CSMD2: variants seen among roughly 807,000 people sequenced by gnomAD.
The protein encoded by CSMD2 is CUB and Sushi multiple domains 2, also known as CUB and sushi domain-containing protein 2.
Under a neutral mutation model 398.5 loss-of-function variants are expected in CSMD2, and 130 were observed. The ratio of observed to expected loss-of-function variants is 0.33; its 90% CI spans 0.28 to 0.38. The LOEUF is 0.38. Ranked by LOEUF, CSMD2 falls within the 10% of genes least tolerant of loss-of-function variation. CSMD2 has a pLI of 1.00. For missense variants in CSMD2, 3,829 were observed against 4,764.9 expected, an observed-to-expected ratio of 0.80 and a Z score of 5.78; for synonymous variants, 1,828 against 1,908.5, an observed-to-expected ratio of 0.96 and a Z score of 1.10.
intron 10 of CSMD2, among the ~76,000 whole-genome samples, chr1:33,809,319 T>A (rs1656590372): frequency 6.6e-6 from 1 of 151,892 alleles, no homozygotes; most frequent in Non-Finnish European, 1.5e-5. Context: ...TACTAAATGA[T>A]CAAGTTATGT....
At chr1:33,973,231 C>A (rs996884802) in intron 3 of CSMD2, among the ~76,000 whole-genome samples, 2 of 152,206 alleles carry the variant, frequency 1.3e-5, no homozygotes, top group Non-Finnish European at 2.9e-5. Flanking sequence ...GGCATGTCCC[C>A]AAGCTGTGTT....
chr1:34,084,128 T>C (rs1293535601), intron 2 of CSMD2, among the ~76,000 whole-genome samples: 1 of 152,130 alleles, frequency 6.6e-6, no homozygotes, highest in Non-Finnish European at 1.5e-5. Flanking sequence ...CCCCAGAGCC[T>C]CATCCTCATG....
At chr1:33,835,515 G>T (rs1238437862) in intron 6 of CSMD2, among the ~76,000 whole-genome samples, 1 of 62,230 alleles carries the variant, frequency 1.6e-5, no homozygotes, top group Non-Finnish European at 2.6e-5. Flanking sequence ...GGTGGGGGTA[G>T]GGGGGAGGGA....
At chr1:34,057,246 C>T (rs1162920361) in intron 2 of CSMD2, among the ~76,000 whole-genome samples, 7 of 152,124 alleles carry the variant, frequency 4.6e-5, no homozygotes, top group Non-Finnish European at 1.0e-4. Flanking sequence ...CTGACCACAA[C>T]CTTCCAAGGG....
intron 3 of CSMD2, among the ~76,000 whole-genome samples, chr1:33,940,645 G>A (rs74436679): frequency 0.016 from 2,482 of 152,196 alleles, 63 homozygotes; most frequent in African/African-American, 0.056. Context: ...GAGGACCTCG[G>A]TCTTTCTGCC....
At chr1:34,019,883 C>T (rs879529443) in intron 3 of CSMD2, among the ~76,000 whole-genome samples, 1 of 152,210 alleles carries the variant, frequency 6.6e-6, no homozygotes, top group Non-Finnish European at 1.5e-5. Context: ...AATGCCTTTG[C>T]TCTTTCTTCT....
At chr1:34,076,928 A>AAAAAAAAAAAAAAAAAATATATAT (rs1232288848) in intron 2 of CSMD2, among the ~76,000 whole-genome samples, 3 of 53,598 alleles carry the variant, frequency 5.6e-5, no homozygotes, top group African/African-American at 2.6e-4. Flanking sequence ...AAAAAAAAAA[A>AAAAAAAAAAAAAAAAAATATATAT]ATATATATAT....
At chr1:33,848,724 T>G (rs947405720) in intron 5 of CSMD2, among the ~76,000 whole-genome samples, 1 of 152,038 alleles carries the variant, frequency 6.6e-6, no homozygotes, top group Non-Finnish European at 1.5e-5. Context: ...AAAAACCAAT[T>G]ACTGTATTTC....
At chr1:34,121,037 C>A (rs1480232781) in intron 1 of CSMD2, among the ~76,000 whole-genome samples, 1 of 152,122 alleles carries the variant, frequency 6.6e-6, no homozygotes, top group African/African-American at 2.4e-5. Context: ...ATGCAGACTC[C>A]CAGAAGACAG....
chr1:33,594,129 G>A (rs966353990), intron 44 of CSMD2, among the ~76,000 whole-genome samples: 1 of 152,072 alleles, frequency 6.6e-6, no homozygotes, highest in Non-Finnish European at 1.5e-5. Context: ...TTAGCTTTAA[G>A]TCTGTGCTTA....
Position 33,537,464 on chromosome 1 carries a change from T to C in CSMD2, c.9777A>G (p.Thr3259=), listed in dbSNP as rs777449338. 13 of 1,613,934 alleles carry C rather than the reference T, an allele frequency of 8.1e-6. No individual in the cohort carries two copies. The highest frequency in any genetic ancestry group is 1.1e-5 in the Non-Finnish European group (13 of 1,179,884). ...SPRRFCQSDG[T]WSGTQPSCID... ...TGCAGCTGGGCTGGGTGCCACTCCATGTCCCATCTGACTGGCAAAACCTGC... is the reference window on the plus strand; with the variant it reads ...TGCAGCTGGGCTGGGTGCCACTCCACGTCCCATCTGACTGGCAAAACCTGC... Residue 3259 remains threonine, a synonymous_variant, in exon 61 of 71, where the codon ACA becomes ACG. Coordinates refer to ENST00000373381, the MANE Select transcript of CSMD2 (RefSeq NM_001281956.2). This position sits in a 1 kb window ranked among gnomAD's most constrained non-coding sequence, Gnocchi z 4.6.
In CSMD2 at chr1:33,635,742, C is replaced by G. The variant is rs1012980970; in HGVS notation, c.4970-412G>C. On this transcript the variant is annotated intron_variant, in intron 30 of 70. Coordinates refer to ENST00000373381, the MANE Select transcript of CSMD2 (RefSeq NM_001281956.2). The surrounding 1 kb of genome is among the most constrained non-coding windows in gnomAD (Gnocchi z 5.0). ...TGTGAATAGGGAGCTGAAGCTTCCCCGGACTAACCCCATGGGGAGTGGCCA... is the reference window on the plus strand; with the variant it reads ...TGTGAATAGGGAGCTGAAGCTTCCCGGGACTAACCCCATGGGGAGTGGCCA... Among the ~76,000 whole-genome samples, 1 of 152,130 alleles carries G rather than the reference C, an allele frequency of 6.6e-6. No individual in the cohort carries two copies. Among genetic ancestry groups the G allele is most frequent in the Non-Finnish European group, 1.5e-5 (1 of 68,008 alleles).
intron 5 of CSMD2, among the ~76,000 whole-genome samples, chr1:33,893,653 A>G (rs2125215286): frequency 6.6e-6 from 1 of 152,356 alleles, no homozygotes; most frequent in South Asian, 2.1e-4. Flanking sequence ...AACTTGTGAA[A>G]TAAGCACGAC....
chr1:33,846,661 G>C (rs1239165093), intron 6 of CSMD2, among the ~76,000 whole-genome samples: 1 of 152,210 alleles, frequency 6.6e-6, no homozygotes, highest in Non-Finnish European at 1.5e-5. Context: ...CATGTGAGGG[G>C]CAGCTCCAGC....
At chr1:33,883,585 T>C (rs1279153681) in intron 5 of CSMD2, among the ~76,000 whole-genome samples, 1 of 152,328 alleles carries the variant, frequency 6.6e-6, no homozygotes, top group East Asian at 1.9e-4. Context: ...AACCGAGTTA[T>C]AGTCTGTGAG....
At chr1:34,089,282 GA>G in intron 1 of CSMD2, 89 bp from the exon 2 acceptor site, 1 of 1,281,218 alleles carries the variant, frequency 7.8e-7, no homozygotes, top group Non-Finnish European at 1.1e-6. Context: ...AGCAAATCAT[GA>G]ACCCACTTTT....
intron 15 of CSMD2, among the ~76,000 whole-genome samples, chr1:33,732,386 G>A (rs1646748730): frequency 6.6e-6 from 1 of 152,198 alleles, no homozygotes; most frequent in African/African-American, 2.4e-5. Context: ...TGGAGAGAGA[G>A]CCTTTCAGGA....
At chr1:33,924,667 A>T (rs1220492082) in intron 4 of CSMD2, among the ~76,000 whole-genome samples, 1 of 152,206 alleles carries the variant, frequency 6.6e-6, no homozygotes, top group Non-Finnish European at 1.5e-5. Context: ...ACAAAGTATA[A>T]GAGCTCCCTT....
At chr1:33,525,818 G>A (rs569506478) in intron 65 of CSMD2, among the ~76,000 whole-genome samples, 25 of 152,234 alleles carry the variant, frequency 1.6e-4, no homozygotes, top group Admixed American at 7.9e-4. Flanking sequence ...CCAAGTAGCT[G>A]GGATTACAGG....
Sources: gnomAD v4.1 joint callset for allele counts (sites outside exome capture counted in the v4.1 genomes callset) on GRCh38, gnomAD v4.1.1 for gene constraint, Gnocchi (gnomAD v3.1) non-coding constraint, MANE v1.5 for transcripts, NCBI Gene and HGNC (gene_info 2026-07-23, HGNC 2026-07-21) for gene names.